The following SYNE2 variants were observed in gnomAD, a reference collection of about 807,000 sequenced individuals.
The protein encoded by SYNE2 is nesprin-2.
Under a neutral mutation model 856.3 loss-of-function variants are expected in SYNE2, and 431 were observed. That is an observed-to-expected ratio of 0.50 (90% CI 0.47 to 0.55). The LOEUF (loss-of-function observed/expected upper bound fraction) is 0.55, where lower values mean the gene tolerates loss of function less well. SYNE2 is among the 20% of genes least tolerant of loss of function. The pLI, the probability that SYNE2 is intolerant of heterozygous loss-of-function variation, is 0.00. For synonymous variants in SYNE2, 2,923 were observed against 2,872.3 expected (o/e 1.02, Z -0.56); for missense variants, 8,129 against 8,023.2 (o/e 1.01, Z -0.50).
intron 98 of SYNE2, among the ~76,000 whole-genome samples, chr14:64,189,447 T>C (rs872227): frequency 0.53 from 80,519 of 151,962 alleles, 23,708 homozygotes; most frequent in African/African-American, 0.8. Context: ...ATTCTTGCTG[T>C]AGTCACCTAA....
intron 2 of SYNE2, among the ~76,000 whole-genome samples, chr14:63,933,532 C>T (rs887889932): frequency 2.0e-5 from 3 of 152,104 alleles, no homozygotes; most frequent in Non-Finnish European, 4.4e-5. Flanking sequence ...AAATCTTTGC[C>T]TTCTGTGCCT....
chr14:64,016,672 C>G (rs1465031611), intron 33 of SYNE2, 41 bp downstream of exon 33: 1 of 1,391,924 alleles, frequency 7.2e-7, no homozygotes, highest in Non-Finnish European at 1.0e-6. Flanking sequence ...AATTTTGTTT[C>G]CAATATTTTG....
intron 51 of SYNE2, among the ~76,000 whole-genome samples, chr14:64,068,266 C>T (rs2097373090): frequency 6.6e-6 from 1 of 152,162 alleles, no homozygotes; most frequent in African/African-American, 2.4e-5. Flanking sequence ...AGAAGTTTCC[C>T]TCGTTCCTCT....
At position 64,126,342 on chromosome 14, in the gene SYNE2, G is replaced by A. The variant is rs143646847; in HGVS notation, c.13570G>A (p.Glu4524Lys). Residue 4524 changes from glutamate to lysine, a missense_variant, in exon 72 of 116, where the codon GAA (glutamate) becomes AAA (lysine). Around this residue, in one of 3 missense-constraint regions of SYNE2, gnomAD observed 5,410 missense variants for 5,284.8 expected, o/e 1.02. Coordinates refer to ENST00000555002, the MANE Select transcript of SYNE2 (RefSeq NM_182914.3). ...NLQTQENMTE[E>K]AYINLDKKLF... ...CTTGATTCAGGAAAATATGACAGAA[G>A]AAGCATATATCAATTTGGATAAAAA... 5.0e-4 allele frequency: 807 copies of A among 1,613,772 alleles called. No individual in the cohort carries two copies. The highest frequency in any genetic ancestry group is 6.3e-4 in the Non-Finnish European group (738 of 1,179,784).
intron 1 of SYNE2, among the ~76,000 whole-genome samples, chr14:63,824,783 G>A (rs932379566): frequency 2.0e-5 from 3 of 152,034 alleles, no homozygotes; most frequent in Non-Finnish European, 4.4e-5. Context: ...CATGTAAGCC[G>A]TAAATATACA....
At chr14:63,788,317 C>T (rs992160930) in intron 1 of SYNE2, among the ~76,000 whole-genome samples, 1 of 152,130 alleles carries the variant, frequency 6.6e-6, no homozygotes, top group East Asian at 1.9e-4. Flanking sequence ...GCAGCTGCAG[C>T]TGCAGCTGCA....
rs1308919316 is a variant in SYNE2, at chr14:63,790,488, GT to G, written c.-305+28509del. ...ATGTATATTTCTGACTTCCATTACTGTTTTTTTCCATAAAGAATACCTTTTA... is the reference window on the plus strand; with the variant it reads ...ATGTATATTTCTGACTTCCATTACTGTTTTTTCCATAAAGAATACCTTTTA... On this transcript the variant is annotated intron_variant, in intron 1 of 23. Coordinates refer to the SYNE2 transcript ENST00000674003. Among the ~76,000 whole-genome samples the G allele has an allele frequency of 4.6e-5, 7 of 152,188 alleles. No homozygotes were observed. In the South Asian group the frequency reaches 1.5e-3, roughly 32 times the overall value.
intron 52 of SYNE2, among the ~76,000 whole-genome samples, chr14:64,072,746 C>T (rs2097422368): frequency 6.6e-6 from 1 of 152,180 alleles, no homozygotes; most frequent in Non-Finnish European, 1.5e-5. Flanking sequence ...GGTCATCTGC[C>T]CGCCTCGGCC....
At chr14:64,031,390 G>A in intron 45 of SYNE2, 33 bp downstream of exon 45, 1 of 1,590,104 alleles carries the variant, frequency 6.3e-7, no homozygotes, top group Non-Finnish European at 8.6e-7. Flanking sequence ...TCAAGACAGT[G>A]AGTCTGAGAA....
intron 1 of SYNE2, among the ~76,000 whole-genome samples, chr14:63,861,364 C>G (rs982078955): frequency 6.6e-6 from 1 of 151,780 alleles, no homozygotes; most frequent in East Asian, 1.9e-4. Flanking sequence ...ATGCTGGTCT[C>G]GAACTCCTGA....
At chr14:63,944,512 C>A (rs2095985833) in intron 6 of SYNE2, among the ~76,000 whole-genome samples, 1 of 138,006 alleles carries the variant, frequency 7.2e-6, no homozygotes, top group Admixed American at 7.2e-5. Context: ...AAACTTAAAG[C>A]CTTTCTTTTT....
intron 1 of SYNE2, among the ~76,000 whole-genome samples, chr14:63,854,030 C>T (rs889153810): frequency 1.3e-5 from 2 of 152,036 alleles, no homozygotes; most frequent in Admixed American, 6.6e-5. Context: ...CTGCTGTTTC[C>T]GAAAGTTATT....
Position 63,808,564 on chromosome 14 carries a change from C to T in SYNE2, c.-304-43937C>T, listed in dbSNP as rs12880099. The T allele has an allele frequency of 7.4e-3, 1,129 of 152,828 alleles. 10 individuals are homozygous for T. Among genetic ancestry groups the T allele is most frequent in the African/African-American group, 0.015 (608 of 41,572 alleles). The allele number at this position is 152,828 out of a possible 1,614,324, so 9.5% of individuals were successfully genotyped here. ...CACCATCATGGACACCAGCCATGTG[C>T]GGCATATCAAGCGAGCCTGGGGCAC... On this transcript the variant is annotated intron_variant, in intron 1 of 23. Coordinates refer to the SYNE2 transcript ENST00000674003.
intron 57 of SYNE2, among the ~76,000 whole-genome samples, chr14:64,082,733 G>A (rs191169306): frequency 2.9e-4 from 44 of 152,272 alleles, no homozygotes; most frequent in Admixed American, 2.0e-4. Context: ...AGATAACTTT[G>A]TTTTGTTTTA....
chr14:64,206,563 C>CT (rs558072315), intron 100 of SYNE2, among the ~76,000 whole-genome samples: 4,698 of 131,062 alleles, frequency 0.036, 105 homozygotes, highest in Middle Eastern at 0.1. Context: ...AATGTTTGGG[C>CT]TTTTTTTTTT....
chr14:63,775,396 T>C (rs1887072644), intron 1 of SYNE2, among the ~76,000 whole-genome samples: 1 of 151,798 alleles, frequency 6.6e-6, no homozygotes, highest in South Asian at 2.1e-4. Context: ...TCCCTCAGCC[T>C]CCAAAAGTAT....
chr14:64,139,716 A>G (rs2098125468), intron 79 of SYNE2, among the ~76,000 whole-genome samples: 1 of 152,000 alleles, frequency 6.6e-6, no homozygotes, highest in African/African-American at 2.4e-5. Context: ...TCTGGCCTAA[A>G]ATCCTCACTG....
intron 16 of SYNE2, 73 bp downstream of exon 16, chr14:63,981,246 C>A: frequency 7.6e-7 from 1 of 1,315,956 alleles, no homozygotes; most frequent in Non-Finnish European, 1.1e-6. Context: ...CATTTTCAAT[C>A]CAAAGATGAG....
At chr14:64,022,151 A>T in intron 37 of SYNE2, 123 bp downstream of exon 37, 1 of 909,742 alleles carries the variant, frequency 1.1e-6, no homozygotes, top group East Asian at 2.4e-5. Flanking sequence ...ATTCAAGGAA[A>T]TAATAATCAG....
Sources: gnomAD v4.1 joint callset for allele counts (sites outside exome capture counted in the v4.1 genomes callset) on GRCh38, gnomAD v4.1.1 for gene constraint, gnomAD v4.1.1 regional missense constraint, MANE v1.5 for transcripts, NCBI Gene and HGNC (gene_info 2026-07-23, HGNC 2026-07-21) for gene names.